Variants in LCA5 observed in about 807,000 individuals in gnomAD.
LCA5 encodes the protein lebercilin LCA5, also known as lebercilin.
LCA5 carries 37 observed loss-of-function variants against 53.0 expected under a neutral mutation model. That is an observed-to-expected ratio of 0.70 (90% CI 0.54 to 0.92). The LOEUF (loss-of-function observed/expected upper bound fraction) is 0.92. Among genes scored for constraint, LCA5 ranks in the 40% least tolerant of loss-of-function variants. The pLI, the probability that LCA5 is intolerant of heterozygous loss-of-function variation, is 0.00. For missense variants in LCA5, 806 were observed against 790.5 expected, an observed-to-expected ratio of 1.02 and a Z score of -0.23; for synonymous variants, 303 against 282.9, an observed-to-expected ratio of 1.07 and a Z score of -0.71.
rs964599368 is a variant in LCA5, at chr6:79,489,473, G to A, written c.1099-257C>T. On this transcript the variant is annotated intron_variant, in intron 6 of 7. Coordinates refer to ENST00000369846, the MANE Select transcript of LCA5 (RefSeq NM_001122769.3). The stretch of plus-strand genomic sequence containing the variant: ...AGTATAACTGAAGTAAAGCCAAAAC[G>A]GTACATAAAACCCTGAAGAGACAAG... Among the ~76,000 whole-genome samples, 8 of 152,042 alleles carry A rather than the reference G, an allele frequency of 5.3e-5. 3 individuals carry two copies. The South Asian group carries it at 1.2e-3, about 24-fold the overall frequency.
chr6:79,489,115 G>T lies in LCA5; in HGVS notation c.1200C>A (p.Val400=), dbSNP rs759198336. 1 of 1,612,966 alleles carries T rather than the reference G, an allele frequency of 6.2e-7. No individual in the cohort carries two copies. The highest frequency in any genetic ancestry group is 1.3e-5 in the African/African-American group (1 of 74,840). The change falls in exon 7 of 8, where the codon GTC becomes GTA. Residue 400 remains valine (V), a synonymous_variant. Transcript: ENST00000369846. The part of the protein sequence containing the change: ...EKFVTDEELH[V]VKQEVEKLED... ...CCAGCTTTTCAACCTCCTGTTTTAC[G>T]ACATGGAGTTCTTCATCTGTAACAA...
chr6:79,487,961 T>C (rs1769720523), intron 7 of LCA5, 95 bp from the exon 8 acceptor site: 2 of 944,104 alleles, frequency 2.1e-6, no homozygotes, highest in Admixed American at 5.2e-5. Context: ...CATATTTAAT[T>C]TGGGTATTAT....
At chr6:79,519,768 C>T (rs146273682) in intron 1 of LCA5, among the ~76,000 whole-genome samples, 22 of 147,630 alleles carry the variant, frequency 1.5e-4, no homozygotes, top group African/African-American at 5.2e-4. Flanking sequence ...ATTGACCACA[C>T]AAAAAATGTA....
chr6:79,538,591 CTG>C (rs1767226691), upstream of LCA5, among the ~76,000 whole-genome samples: 1 of 152,318 alleles, frequency 6.6e-6, no homozygotes, highest in South Asian at 2.1e-4. Context: ...TCTGCTGACA[CTG>C]TTAAAATAGC....
chr6:79,511,967 G>A (rs548925193), intron 3 of LCA5, among the ~76,000 whole-genome samples: 7 of 152,114 alleles, frequency 4.6e-5, no homozygotes, highest in African/African-American at 1.7e-4. Flanking sequence ...AAACTGCAGT[G>A]TATAGTTGTA....
chr6:79,489,930 C>G (rs1769790676), intron 6 of LCA5, among the ~76,000 whole-genome samples: 1 of 152,086 alleles, frequency 6.6e-6, no homozygotes, highest in South Asian at 2.1e-4. Context: ...AGTACATGTG[C>G]AACTTCAGAT....
At chr6:79,532,867 CCATT>C (rs1199766386) in intron 1 of LCA5, among the ~76,000 whole-genome samples, 6 of 152,070 alleles carry the variant, frequency 3.9e-5, no homozygotes, top group African/African-American at 1.2e-4. Context: ...ACACCACCCA[CCATT>C]CATTATTTGT....
intron 1 of LCA5, among the ~76,000 whole-genome samples, chr6:79,521,063 G>A (rs1766609906): frequency 1.3e-5 from 2 of 152,104 alleles, no homozygotes; most frequent in Admixed American, 1.3e-4. Context: ...GATGTTGCTG[G>A]TGTAACTGAA....
chr6:79,495,654 G>A (rs555708033), intron 3 of LCA5, among the ~76,000 whole-genome samples: 2 of 151,230 alleles, frequency 1.3e-5, no homozygotes, highest in African/African-American at 2.4e-5. Flanking sequence ...GGGAGACTGA[G>A]GCAGAAGAAT....
intron 3 of LCA5, 108 bp downstream of exon 3, chr6:79,513,104 C>T: frequency 9.0e-7 from 1 of 1,106,974 alleles, no homozygotes; most frequent in South Asian, 1.3e-5. Context: ...AAATAGTTTT[C>T]ATTTCCAAGC....
intron 6 of LCA5, among the ~76,000 whole-genome samples, chr6:79,491,168 C>T (rs1474693341): frequency 1.3e-5 from 2 of 151,918 alleles, no homozygotes; most frequent in Non-Finnish European, 2.9e-5. Context: ...ATAAGAGAAA[C>T]TTAGAAGGCA....
At chr6:79,501,132 G>T (rs909240913) in intron 3 of LCA5, among the ~76,000 whole-genome samples, 4 of 152,038 alleles carry the variant, frequency 2.6e-5, no homozygotes, top group African/African-American at 9.7e-5. Context: ...TCCCCATAGT[G>T]TACGCATAAA....
At chr6:79,505,826 T>C (rs1770258948) in intron 3 of LCA5, among the ~76,000 whole-genome samples, 1 of 152,086 alleles carries the variant, frequency 6.6e-6, no homozygotes, top group African/African-American at 2.4e-5. Flanking sequence ...TAAAGGAAAG[T>C]GATCCTACCT....
At chr6:79,492,118 A>G (rs534723734) in intron 5 of LCA5, among the ~76,000 whole-genome samples, 1 of 152,118 alleles carries the variant, frequency 6.6e-6, no homozygotes, top group African/African-American at 2.4e-5. Flanking sequence ...ACAATACAAA[A>G]TATTTATAGG....
chr6:79,486,754 T>A lies in LCA5; in HGVS notation c.*250A>T. 1 of 399,300 alleles carries A rather than the reference T, an allele frequency of 2.5e-6. No homozygotes were observed. Among genetic ancestry groups the A allele is most frequent in the Non-Finnish European group, 4.4e-6 (1 of 225,216 alleles). The allele number at this position is 399,300 out of a possible 1,614,324, so 24.7% of individuals were successfully genotyped here. A position where few individuals can be genotyped will look rare whatever the true frequency, so the allele number is the denominator to read the frequency against. Reference sequence around the variant, plus strand: ...ACTTGCCATAGCACTGGATGAAGAGTTAAAATCTATTTCATTTTTCAAGAC... The same window carrying A: ...ACTTGCCATAGCACTGGATGAAGAGATAAAATCTATTTCATTTTTCAAGAC... On this transcript the variant is annotated 3_prime_UTR_variant, in exon 8 of 8. Coordinates refer to ENST00000369846, the MANE Select transcript of LCA5 (RefSeq NM_001122769.3).
intron 4 of LCA5, 88 bp from the exon 5 acceptor site, chr6:79,492,735 A>G: frequency 1.4e-6 from 1 of 725,166 alleles, no homozygotes; most frequent in Non-Finnish European, 2.4e-6. Flanking sequence ...GTATTTTCTT[A>G]CCATATTGAA....
chr6:79,505,035 C>A (rs571035630), intron 3 of LCA5, among the ~76,000 whole-genome samples: 1 of 152,098 alleles, frequency 6.6e-6, no homozygotes, highest in Non-Finnish European at 1.5e-5. Context: ...GCTTGCAACG[C>A]GTAGCCTAGA....
At position 79,487,022 on chromosome 6, in the gene LCA5, T is replaced by G; in HGVS notation, c.2076A>C (p.Glu692Asp). 1 of 1,613,394 alleles carries G rather than the reference T, an allele frequency of 6.2e-7. No homozygotes were observed. Residue 692 changes from glutamate (E) to aspartate (D), a missense_variant, in exon 8 of 8, where the codon GAA becomes GAC. Transcript: ENST00000369846. ...TAGTCAGTCATCTCAGTGCTACTTC[T>G]TCAATTTCATCTTCTACAGAATCAG... Reference protein sequence around the residue: ...KAADSVEDEIEEVALR With the variant: ...KAADSVEDEIDEVALR
chr6:79,512,792 G>A (rs1026816684), intron 3 of LCA5, among the ~76,000 whole-genome samples: 1 of 152,098 alleles, frequency 6.6e-6, no homozygotes, highest in Non-Finnish European at 1.5e-5. Context: ...TTCGGGGGAG[G>A]AGGTGCATTC....
Sources: allele counts gnomAD v4.1 joint callset (sites outside exome capture counted in the v4.1 genomes callset), GRCh38; gene constraint gnomAD v4.1.1; transcripts MANE v1.5; gene names NCBI Gene and HGNC (gene_info 2026-07-23, HGNC 2026-07-21).